The following STRIP2 variants were observed in gnomAD, a reference collection of about 807,000 sequenced individuals.
STRIP2 encodes striatin interacting protein 2, also known as striatin-interacting protein 2.
Under a neutral mutation model 107.1 loss-of-function variants are expected in STRIP2, and 84 were observed. The ratio of observed to expected loss-of-function variants is 0.78; its 90% CI spans 0.66 to 0.94. The LOEUF (loss-of-function observed/expected upper bound fraction) is 0.94. STRIP2 is among the 40% of genes least tolerant of loss of function. The pLI is 0.00. For synonymous variants in STRIP2, 394 were observed against 400.4 expected (o/e 0.98, Z 0.19); for missense variants, 888 against 1,034.2 (o/e 0.86, Z 1.94).
In STRIP2 at chr7:129,461,712, T is replaced by A. The variant is rs1274933460; in HGVS notation, c.1477-1254T>A. On this transcript the variant is annotated intron_variant, in intron 13 of 20. Transcript: ENST00000249344. The surrounding 1 kb of genome is among the most constrained non-coding windows in gnomAD (Gnocchi z 4.0). ...AAGTGAAGTAGTGGGACTGAAAGCC[T>A]AATTGGAGTGTATTGAAGGGAATGT... Among the ~76,000 whole-genome samples the A allele has an allele frequency of 1.3e-5, 2 of 152,182 alleles. No homozygotes were observed. Among genetic ancestry groups the A allele is most frequent in the African/African-American group, 4.8e-5 (2 of 41,432 alleles).
rs1486999838 is a variant in STRIP2, at chr7:129,482,928, A to G, written c.2136A>G (p.Leu712=). Residue 712 remains leucine, a synonymous_variant, in exon 20 of 21, where the codon CTA becomes CTG. Transcript: ENST00000249344. ...QAMLQLYVLK[L]LKLQTKYLGR... is the part of the protein sequence containing the mutation. ...TGCTGCAACTTTATGTCCTAAAGCTACTAAAGTTACAGACCAAGTACCTGG... is the reference window on the plus strand; with the variant it reads ...TGCTGCAACTTTATGTCCTAAAGCTGCTAAAGTTACAGACCAAGTACCTGG... 6.2e-7 allele frequency: 1 copy of G among 1,614,178 alleles called. No individual in the cohort carries two copies. The highest frequency in any genetic ancestry group is 1.7e-5 in the Admixed American group (1 of 60,020).
At position 129,464,756 on chromosome 7, in the gene STRIP2, C is replaced by G. The variant is rs771527386; in HGVS notation, c.1776+18C>G. 3 of 1,613,896 alleles carry G rather than the reference C, an allele frequency of 1.9e-6. No homozygotes were observed. The Admixed American group carries it at 5.0e-5, about 27-fold the overall frequency. On this transcript the variant is annotated intron_variant, in intron 16 of 20. Transcript: ENST00000249344. ...TCTACCAGGTGAGCAGCTAGGAGCA[C>G]TTCTCCACAGGTCTTGGGTGTTTGC...
intron 20 of STRIP2, chr7:129,484,704 A>G (rs1799204144): frequency 1.3e-5 from 2 of 152,240 alleles, no homozygotes; most frequent in South Asian, 4.1e-4. Flanking sequence ...ATAGGCACAT[A>G]ACAAGCCAGG....
chr7:129,480,708 C>T, intron 18 of STRIP2, 77 bp from the exon 19 acceptor site: 1 of 1,267,532 alleles, frequency 7.9e-7, no homozygotes, highest in Non-Finnish European at 1.1e-6. Context: ...CTAAACTGAC[C>T]AACATTGACT....
chr7:129,476,817 G>A (rs1013397961), intron 18 of STRIP2, among the ~76,000 whole-genome samples: 8 of 152,280 alleles, frequency 5.3e-5, no homozygotes, highest in African/African-American at 1.9e-4. Context: ...GGGAGGCCAA[G>A]GCAGGCGGCT....
At chr7:129,446,711 G>T (rs1219474593) in intron 3 of STRIP2, among the ~76,000 whole-genome samples, 1 of 152,204 alleles carries the variant, frequency 6.6e-6, no homozygotes, top group South Asian at 2.1e-4. Flanking sequence ...AAAGAAGCCA[G>T]GGTGGCAGGA....
In STRIP2 at chr7:129,464,112, C is replaced by T. The variant is rs377000207; in HGVS notation, c.1620C>T (p.Ile540=). The T allele has an allele frequency of 2.4e-5, 39 of 1,612,838 alleles. No homozygotes were observed. Among genetic ancestry groups the T allele is most frequent in the Non-Finnish European group, 3.1e-5 (37 of 1,179,952 alleles). The change falls in exon 15 of 21, where the codon ATC becomes ATT. Residue 540 remains isoleucine (I), a synonymous_variant. Coordinates refer to ENST00000249344, the MANE Select transcript of STRIP2 (RefSeq NM_020704.3). ...TSKAKTDSIN[I]LADVLPEEMP... ...AGGCTAAGACAGACTCTATCAATAT[C>T]CTGGCAGATGTCCTACCTGAGGAGA...
At chr7:129,474,471 A>G (rs1246747950) in intron 18 of STRIP2, among the ~76,000 whole-genome samples, 1 of 151,900 alleles carries the variant, frequency 6.6e-6, no homozygotes, top group Non-Finnish European at 1.5e-5. Flanking sequence ...CCAGCTGCAC[A>G]TGAATCTTTG....
rs571155077 is a variant in STRIP2 at position 129,462,988 on chromosome 7, C to T, written c.1499C>T (p.Thr500Met). 36 of 1,614,022 alleles carry T rather than the reference C, an allele frequency of 2.2e-5. No individual in the cohort carries two copies. Among genetic ancestry groups the T allele is most frequent in the South Asian group, 4.4e-5 (4 of 91,072 alleles). The change falls in exon 14 of 21, where the codon ACG (threonine) becomes ATG (methionine). Residue 500 changes from threonine (T) to methionine (M), a missense_variant. Thr to Met is a moderately conservative substitution (Grantham distance 81). Transcript: ENST00000249344. ...MSLGEEVVPETPCEILYQGML... is the reference protein window; with the variant it reads ...MSLGEEVVPEMPCEILYQGML... ...TAGGGGGAAGAGGTGGTACCAGAGA[C>T]GCCATGTGAAATCCTCTACCAGGGA...
rs1412526297 is a variant in STRIP2, at chr7:129,475,328, CTT to C, written c.1944+4617_1944+4618del. On this transcript the variant is annotated intron_variant, in intron 18 of 20. Coordinates refer to ENST00000249344, the MANE Select transcript of STRIP2 (RefSeq NM_020704.3). ...TATTTTATATGTATTATATTGATATCTTTTTATTTTTTTATTTTTTATTTATT... is the reference window on the plus strand; with the variant it reads ...TATTTTATATGTATTATATTGATATCTTTATTTTTTTATTTTTTATTTATT... 1.8e-4 allele frequency among the ~76,000 whole-genome samples: 28 copies of C among 151,658 alleles called. 1 individual carries two copies. In the South Asian group the frequency reaches 1.9e-3, roughly 10 times the overall value.
chr7:129,470,802 A>C, intron 18 of STRIP2, 87 bp downstream of exon 18: 1 of 1,100,586 alleles, frequency 9.1e-7, no homozygotes, highest in Non-Finnish European at 1.4e-6. Flanking sequence ...CAACCCCTTA[A>C]TGCCCTGGTT....
At chr7:129,460,171 G>A in intron 12 of STRIP2, 130 bp from the exon 13 acceptor site, 1 of 701,756 alleles carries the variant, frequency 1.4e-6, no homozygotes, top group Non-Finnish European at 2.4e-6. Context: ...CCTTGAAAGA[G>A]TTCATGTCTA....
rs1797971259 is a variant in STRIP2 at position 129,444,018 on chromosome 7, CCA to C, written c.200-3_200-2del. On this transcript the variant is annotated splice_polypyrimidine_tract_variant and splice_region_variant and intron_variant, in intron 2 of 20. Transcript: ENST00000249344. ...GAATGTGACTGTTCTGTCTTTCCTGCCACAGAATTGTATAGTTACACTGAGAA... is the reference window on the plus strand; with the variant it reads ...GAATGTGACTGTTCTGTCTTTCCTGCCAGAATTGTATAGTTACACTGAGAA... 4.3e-6 allele frequency: 7 copies of C among 1,611,342 alleles called. No individual in the cohort carries two copies. Among genetic ancestry groups the C allele is most frequent in the Non-Finnish European group, 5.9e-6 (7 of 1,177,608 alleles).
rs199593322 is a variant in STRIP2 at position 129,453,256 on chromosome 7, G to A, written c.439G>A (p.Asp147Asn). Reference sequence around the variant, plus strand: ...TTTTGGGGAATGTGATTCAGAGGTCGATGTGCTACACTGGTCCAGGTACAA... The same window carrying A: ...TTTTGGGGAATGTGATTCAGAGGTCAATGTGCTACACTGGTCCAGGTACAA... ...GTFGECDSEV[D>N]VLHWSRYNCF... The change falls in exon 5 of 21, where the codon GAT (aspartate) becomes AAT (asparagine). Residue 147 changes from aspartate (D) to asparagine (N), a missense_variant. Physicochemically the swap from Asp to Asn is conservative, Grantham distance 23. Coordinates refer to ENST00000249344, the MANE Select transcript of STRIP2 (RefSeq NM_020704.3). 43 of 1,613,974 alleles carry A rather than the reference G, an allele frequency of 2.7e-5. No homozygotes were observed. The highest frequency in any genetic ancestry group is 5.5e-5 in the South Asian group (5 of 91,076).
At position 129,456,608 on chromosome 7, in the gene STRIP2, C is replaced by CCTCCAAG. The variant is rs764628201; in HGVS notation, c.1007_1013dup (p.Arg339GlnfsTer15). On this transcript the variant is annotated frameshift_variant, in exon 9 of 21. Transcript: ENST00000249344. LOFTEE classifies it high-confidence loss of function. ...GGAGAGTCTCAGCTGGCACCCCCACCCTCCAAGCTGCGAGGCCGCCGTGGC... is the reference window on the plus strand; with the variant it reads ...GGAGAGTCTCAGCTGGCACCCCCACCCTCCAAGCTCCAAGCTGCGAGGCCGCCGTGGC... The CCTCCAAG allele has an allele frequency of 1.9e-6, 3 of 1,613,944 alleles. No homozygotes were observed. The African/African-American group carries it at 4.0e-5, about 22-fold the overall frequency.
intron 3 of STRIP2, among the ~76,000 whole-genome samples, chr7:129,451,016 A>C (rs1176137365): frequency 2.9e-4 from 34 of 117,888 alleles, no homozygotes; most frequent in African/African-American, 1.1e-3. Flanking sequence ...GGCTCACTGC[A>C]AGCTCCGCCT....
chr7:129,463,396 G>T (rs189949767), intron 14 of STRIP2, among the ~76,000 whole-genome samples: 2 of 152,264 alleles, frequency 1.3e-5, no homozygotes, highest in Admixed American at 1.3e-4. Context: ...CAGGTTAGAG[G>T]AAAGAAAAGA....
At chr7:129,477,010 C>CA (rs35693032) in intron 18 of STRIP2, among the ~76,000 whole-genome samples, 21 of 151,014 alleles carry the variant, frequency 1.4e-4, no homozygotes, top group Admixed American at 1.3e-3. Context: ...CCGTCTCCAC[C>CA]AAAAAAATAC....
chr7:129,448,888 A>G (rs1470326171), intron 3 of STRIP2, among the ~76,000 whole-genome samples: 1 of 152,226 alleles, frequency 6.6e-6, no homozygotes, highest in Non-Finnish European at 1.5e-5. Flanking sequence ...TGCTGCCTTC[A>G]TAAATCTATT....
Sources: allele counts gnomAD v4.1 joint callset (sites outside exome capture counted in the v4.1 genomes callset), GRCh38; gene constraint gnomAD v4.1.1; non-coding constraint Gnocchi (gnomAD v3.1); transcripts MANE v1.5; gene names NCBI Gene and HGNC (gene_info 2026-07-23, HGNC 2026-07-21).